LMX1A: variants seen among roughly 807,000 people sequenced by gnomAD.
LMX1A encodes the protein LIM homeobox transcription factor 1 alpha.
LMX1A carries 15 observed loss-of-function variants against 49.1 expected under a neutral mutation model. The observed-to-expected ratio is 0.31, with a 90% CI of 0.20 to 0.47. The LOEUF is 0.47. LMX1A is among the 20% of genes least tolerant of loss of function. The probability of loss-of-function intolerance (pLI) is 1.00; values close to 1 mark genes in which losing one functional copy is unlikely to be tolerated. For missense variants in LMX1A, 372 were observed against 475.8 expected (o/e 0.78, Z 2.03); for synonymous variants, 167 against 185.7 (o/e 0.90, Z 0.82).
chr1:165,297,500 A>G lies in LMX1A; in HGVS notation c.264-47860T>C, dbSNP rs1373696765. Among the ~76,000 whole-genome samples, 7 of 152,222 alleles carry G rather than the reference A, an allele frequency of 4.6e-5. No individual in the cohort carries two copies. The East Asian group carries it at 1.3e-3, about 29-fold the overall frequency. ...TAAAACAAAGTCTCTGGCTGTCCTC[A>G]GTTTGCACTTAAGAAGCAGAACACT... is the stretch of plus-strand genomic sequence containing the variant. On this transcript the variant is annotated intron_variant, in intron 3 of 8. Coordinates refer to ENST00000342310, the MANE Select transcript of LMX1A (RefSeq NM_177398.4).
chr1:165,253,793 A>G (rs7512129), intron 3 of LMX1A, among the ~76,000 whole-genome samples: 37,403 of 152,112 alleles, frequency 0.25, 5,322 homozygotes, highest in East Asian at 0.56. Context: ...TATCACTAAC[A>G]GGTATGATAG....
intron 3 of LMX1A, among the ~76,000 whole-genome samples, chr1:165,301,537 G>C (rs539674198): frequency 3.1e-4 from 47 of 152,192 alleles, no homozygotes; most frequent in Non-Finnish European, 6.0e-4. Context: ...ATTCCAAGAA[G>C]TGCCCTTCTC....
Position 165,314,444 on chromosome 1 carries a change from A to T in LMX1A, c.263+38632T>A, listed in dbSNP as rs112275171. ...CACCCTTTTCTGCCTTTAAGATCTG[A>T]CAGGAGACAGGGTGCAGTAGCTCTA... On this transcript the variant is annotated intron_variant, in intron 3 of 8. Coordinates refer to ENST00000342310, the MANE Select transcript of LMX1A (RefSeq NM_177398.4). 2.6e-3 allele frequency among the ~76,000 whole-genome samples: 392 copies of T among 152,284 alleles called. 1 individual carries two copies. The highest frequency in any genetic ancestry group is 6.8e-3 in the Middle Eastern group (2 of 294).
chr1:165,322,662 G>A (rs1054732507), intron 3 of LMX1A, among the ~76,000 whole-genome samples: 2 of 152,094 alleles, frequency 1.3e-5, no homozygotes, highest in African/African-American at 4.8e-5. Flanking sequence ...TAGGGGCTCT[G>A]GTAAAGGAAG....
At position 165,208,167 on chromosome 1, in the gene LMX1A, G is replaced by A. The variant is rs756303905; in HGVS notation, c.748-35C>T. 5 of 1,599,078 alleles carry A rather than the reference G, an allele frequency of 3.1e-6. No homozygotes were observed. The South Asian group carries it at 5.5e-5, about 18-fold the overall frequency. On this transcript the variant is annotated intron_variant, in intron 6 of 8. Coordinates refer to ENST00000342310, the MANE Select transcript of LMX1A (RefSeq NM_177398.4). The stretch of plus-strand genomic sequence containing the variant: ...AGAGGACCATAGGATTAGAAGTCAG[G>A]TGGCCTGCAGCATGTTCACAAAGTA...
chr1:165,222,944 T>C (rs1651900700), intron 4 of LMX1A, among the ~76,000 whole-genome samples: 1 of 152,172 alleles, frequency 6.6e-6, no homozygotes, highest in African/African-American at 2.4e-5. Flanking sequence ...TAAGGCAAAT[T>C]ACCTAACCTT....
intron 3 of LMX1A, among the ~76,000 whole-genome samples, chr1:165,300,730 G>A (rs1262925244): frequency 6.6e-6 from 1 of 152,214 alleles, no homozygotes; most frequent in Non-Finnish European, 1.5e-5. Context: ...TTTGCTCAGT[G>A]CCAGAGCGCT....
intron 3 of LMX1A, among the ~76,000 whole-genome samples, chr1:165,284,022 G>T (rs1002463838): frequency 6.6e-6 from 1 of 152,164 alleles, no homozygotes; most frequent in African/African-American, 2.4e-5. Flanking sequence ...CATCATTACA[G>T]TCTATCTCTA....
chr1:165,293,610 C>T (rs551863775), intron 3 of LMX1A, among the ~76,000 whole-genome samples: 1 of 152,340 alleles, frequency 6.6e-6, no homozygotes, highest in Non-Finnish European at 1.5e-5. Flanking sequence ...ATTCAGGCTG[C>T]TATAGCAAAA....
intron 3 of LMX1A, among the ~76,000 whole-genome samples, chr1:165,265,358 T>C (rs1571189264): frequency 6.6e-6 from 1 of 152,150 alleles, no homozygotes; most frequent in Non-Finnish European, 1.5e-5. Flanking sequence ...CTCTTGCTGG[T>C]TCCAAGAGAA....
intron 3 of LMX1A, among the ~76,000 whole-genome samples, chr1:165,343,801 T>C (rs1286436432): frequency 1.3e-5 from 2 of 152,206 alleles, no homozygotes; most frequent in Non-Finnish European, 2.9e-5. Flanking sequence ...TACAAAGTGT[T>C]ATTTGCACAA....
intron 3 of LMX1A, among the ~76,000 whole-genome samples, chr1:165,333,681 C>T (rs1482616351): frequency 6.6e-6 from 1 of 152,154 alleles, no homozygotes; most frequent in African/African-American, 2.4e-5. Context: ...TATACATCTT[C>T]ACCCTCCAAA....
chr1:165,281,095 A>G (rs1013669750), intron 3 of LMX1A, among the ~76,000 whole-genome samples: 1 of 152,198 alleles, frequency 6.6e-6, no homozygotes, highest in Middle Eastern at 3.2e-3. Flanking sequence ...GACCTCAAGC[A>G]AGATTCTGTG....
intron 3 of LMX1A, among the ~76,000 whole-genome samples, chr1:165,265,047 C>CA (rs1653576137): frequency 1.3e-5 from 2 of 151,512 alleles, no homozygotes; most frequent in South Asian, 4.2e-4. Flanking sequence ...ACTAAAAATG[C>CA]AAAAAAATTA....
At chr1:165,291,853 G>C (rs1654474973) in intron 3 of LMX1A, among the ~76,000 whole-genome samples, 1 of 151,972 alleles carries the variant, frequency 6.6e-6, no homozygotes, top group Non-Finnish European at 1.5e-5. Flanking sequence ...CACAAGGTCA[G>C]GAAATCGAGA....
rs1330998171 is a variant in LMX1A, at chr1:165,213,675, G to A, written c.635C>T (p.Ala212Val). 6.2e-7 allele frequency: 1 copy of A among 1,614,170 alleles called. No homozygotes were observed. The highest frequency in any genetic ancestry group is 8.5e-7 in the Non-Finnish European group (1 of 1,180,026). ...GGGCTTGGAGGATACTTCAAATGAG[G>A]CCTTGAATGCTCGCCTCTGTTGAGT... ...LTTQQRRAFK[A>V]SFEVSSKPCR... Residue 212 changes from alanine (A) to valine (V), a missense_variant, in exon 5 of 9, where the codon GCC becomes GTC. Ala to Val is a moderately conservative substitution (Grantham distance 64). This residue lies in a region of LMX1A where 46 missense variants were observed against 93.8 expected (regional missense o/e 0.49). Transcript: ENST00000342310.
At chr1:165,256,185 A>G (rs1280478465) in intron 3 of LMX1A, among the ~76,000 whole-genome samples, 1 of 152,164 alleles carries the variant, frequency 6.6e-6, no homozygotes, top group Non-Finnish European at 1.5e-5. Context: ...ACCAAATCGG[A>G]TCGAAGCAGT....
chr1:165,230,234 T>C (rs1403199110), intron 4 of LMX1A, among the ~76,000 whole-genome samples: 3 of 152,368 alleles, frequency 2.0e-5, no homozygotes, highest in African/African-American at 7.2e-5. Flanking sequence ...TATTTTGTTA[T>C]TGCAGCCTGA....
At chr1:165,350,182 A>G (rs1044373752) in intron 3 of LMX1A, among the ~76,000 whole-genome samples, 1 of 125,492 alleles carries the variant, frequency 8.0e-6, no homozygotes, top group Non-Finnish European at 1.9e-5. Flanking sequence ...CCAAAAAAAA[A>G]AAAAAAAAAA....
Sources: gnomAD v4.1 joint callset for allele counts (sites outside exome capture counted in the v4.1 genomes callset) on GRCh38, gnomAD v4.1.1 for gene constraint, gnomAD v4.1.1 regional missense constraint, MANE v1.5 for transcripts, NCBI Gene and HGNC (gene_info 2026-07-23, HGNC 2026-07-21) for gene names.